The following CLASP1 variants were observed in gnomAD, a reference collection of about 807,000 sequenced individuals.
CLASP1 encodes the protein CLIP-associating protein 1.
In CLASP1, 38 loss-of-function variants were observed where a neutral mutation model predicts 192.3. That is an observed-to-expected ratio of 0.20 (90% confidence interval 0.15 to 0.26). The LOEUF (loss-of-function observed/expected upper bound fraction) is 0.26, where lower values mean the gene tolerates loss of function less well. Ranked by LOEUF, CLASP1 falls within the 10% of genes least tolerant of loss-of-function variation. The probability of loss-of-function intolerance (pLI) is 1.00; values close to 1 mark genes in which losing one functional copy is unlikely to be tolerated. For missense variants in CLASP1, 1,433 were observed against 1,932.5 expected, an observed-to-expected ratio of 0.74 and a Z score of 4.85; for synonymous variants, 691 against 712.8, an observed-to-expected ratio of 0.97 and a Z score of 0.49.
At chr2:121,566,651 A>C (rs562213149) in intron 2 of CLASP1, among the ~76,000 whole-genome samples, 2 of 152,360 alleles carry the variant, frequency 1.3e-5, no homozygotes, top group East Asian at 3.9e-4. Flanking sequence ...CTCATGTCTT[A>C]AATTACTTTC....
chr2:121,641,803 T>C (rs769054674), intron 1 of CLASP1, among the ~76,000 whole-genome samples: 6 of 152,208 alleles, frequency 3.9e-5, no homozygotes, highest in Non-Finnish European at 5.9e-5. Flanking sequence ...CATTCTTAGA[T>C]TGCTGGGAAA....
At chr2:121,409,305 C>T (rs1467095341) in intron 24 of CLASP1, among the ~76,000 whole-genome samples, 1 of 152,182 alleles carries the variant, frequency 6.6e-6, no homozygotes, top group Non-Finnish European at 1.5e-5. Context: ...TTTCCCATAT[C>T]GGTGAGGCAA....
intron 8 of CLASP1, among the ~76,000 whole-genome samples, chr2:121,486,021 G>C (rs1317717519): frequency 6.6e-6 from 1 of 152,188 alleles, no homozygotes; most frequent in Non-Finnish European, 1.5e-5. Flanking sequence ...AGGCAGGCAT[G>C]AGGAAAGTGA....
intron 14 of CLASP1, 144 bp from the exon 15 acceptor site, chr2:121,451,993 G>GA: frequency 1.5e-6 from 1 of 664,652 alleles, no homozygotes; most frequent in South Asian, 2.0e-5. Context: ...AGAACATAAA[G>GA]AATGAATCAG....
intron 7 of CLASP1, among the ~76,000 whole-genome samples, chr2:121,506,706 CA>C (rs2093959174): frequency 1.3e-5 from 2 of 152,138 alleles, no homozygotes; most frequent in Non-Finnish European, 1.5e-5. Flanking sequence ...GACAGAGGTG[CA>C]AAACACCTTT....
intron 2 of CLASP1, among the ~76,000 whole-genome samples, chr2:121,587,902 G>A (rs892124427): frequency 6.6e-6 from 1 of 151,566 alleles, no homozygotes; most frequent in African/African-American, 2.4e-5. Flanking sequence ...GCCAGGCGCA[G>A]TGGCTCACAC....
At chr2:121,479,015 ACCACACACACACACACC>A (rs2092328444) in intron 8 of CLASP1, among the ~76,000 whole-genome samples, 14 of 45,030 alleles carry the variant, frequency 3.1e-4, no homozygotes, top group Admixed American at 5.0e-4. Context: ...ACACACACAC[ACCACACACACACACACC>A]CCACACACAC....
intron 2 of CLASP1, among the ~76,000 whole-genome samples, chr2:121,560,527 A>G (rs1346636623): frequency 6.6e-6 from 1 of 152,218 alleles, no homozygotes; most frequent in African/African-American, 2.4e-5. Flanking sequence ...GCTGCCTGCC[A>G]GGAAGGAATG....
At chr2:121,647,605 C>T (rs2073408564) in intron 1 of CLASP1, among the ~76,000 whole-genome samples, 1 of 152,062 alleles carries the variant, frequency 6.6e-6, no homozygotes, top group South Asian at 2.1e-4. Context: ...GTTTTACTTG[C>T]TATCAATTAA....
At chr2:121,644,638 G>C (rs1250286477) in intron 1 of CLASP1, among the ~76,000 whole-genome samples, 1 of 152,152 alleles carries the variant, frequency 6.6e-6, no homozygotes, top group Non-Finnish European at 1.5e-5. Context: ...CTTGGTGACA[G>C]AGCAAGACTC....
intron 2 of CLASP1, among the ~76,000 whole-genome samples, chr2:121,559,645 A>G (rs1285606092): frequency 1.3e-5 from 2 of 152,150 alleles, no homozygotes; most frequent in African/African-American, 4.8e-5. Flanking sequence ...GAAAAAAAAA[A>G]TCCAAAGACA....
Position 121,418,608 on chromosome 2 carries a change from C to T in CLASP1, c.2320+14G>A, listed in dbSNP as rs1222158557. 17 of 1,592,586 alleles carry T rather than the reference C, an allele frequency of 1.1e-5. No homozygotes were observed. The highest frequency in any genetic ancestry group is 1.5e-5 in the Non-Finnish European group (17 of 1,160,814). ...GAACTCTTTGCTCCTCAGCCAGCACCTACGTGTACTCACCAAGTGGAGGAA... is the reference window on the plus strand; with the variant it reads ...GAACTCTTTGCTCCTCAGCCAGCACTTACGTGTACTCACCAAGTGGAGGAA... On this transcript the variant is annotated intron_variant, in intron 23 of 39. Coordinates refer to ENST00000263710, the Ensembl canonical transcript of CLASP1.
exon 30 of CLASP1, chr2:121,397,143 T>C: frequency 6.2e-7 from 1 of 1,613,780 alleles, no homozygotes; most frequent in East Asian, 2.2e-5. Flanking sequence ...GACATACCTT[T>C]CTCACGTCTG....
At chr2:121,649,044 G>A (rs1489524777) in intron 1 of CLASP1, among the ~76,000 whole-genome samples, 8 of 152,188 alleles carry the variant, frequency 5.3e-5, no homozygotes, top group Non-Finnish European at 1.5e-5. Context: ...CGGCAGGGGA[G>A]ACTCGGGTTA....
intron 36 of CLASP1, chr2:121,364,074 T>G (rs1375054758): frequency 6.6e-6 from 1 of 152,244 alleles, no homozygotes; most frequent in Non-Finnish European, 1.5e-5. Context: ...AAAAGTATTT[T>G]TAAAAAGTTT....
intron 9 of CLASP1, 75 bp from the exon 10 acceptor site, chr2:121,462,680 A>G: frequency 2.5e-6 from 2 of 808,774 alleles, no homozygotes; most frequent in Non-Finnish European, 2.0e-6. Flanking sequence ...AAGTCTAAAC[A>G]TACACAATCA....
chr2:121,645,721 C>G (rs1160470843), intron 1 of CLASP1, among the ~76,000 whole-genome samples: 1 of 152,132 alleles, frequency 6.6e-6, no homozygotes, highest in Non-Finnish European at 1.5e-5. Context: ...AGGCAGGAAA[C>G]AAGACAGAAG....
intron 25 of CLASP1, among the ~76,000 whole-genome samples, chr2:121,406,703 C>T (rs2076958125): frequency 6.6e-6 from 1 of 152,094 alleles, no homozygotes; most frequent in Admixed American, 6.5e-5. Context: ...GATCCTCCTG[C>T]CTCAGCCTCC....
chr2:121,608,071 C>A (rs1209025148), intron 1 of CLASP1, among the ~76,000 whole-genome samples: 2 of 152,190 alleles, frequency 1.3e-5, no homozygotes, highest in African/African-American at 4.8e-5. Flanking sequence ...CCAGTCATGT[C>A]CAAATGCTGG....
Sources: allele counts gnomAD v4.1 joint callset (sites outside exome capture counted in the v4.1 genomes callset), GRCh38; gene constraint gnomAD v4.1.1; transcripts MANE v1.5; gene names NCBI Gene and HGNC (gene_info 2026-07-23, HGNC 2026-07-21).